Variants in UGT1A3 observed in about 807,000 individuals in gnomAD.
The protein encoded by UGT1A3 is UDP-glucuronosyltransferase 1A3.
In UGT1A3, 31 loss-of-function variants were observed where a neutral mutation model predicts 41.0. The observed-to-expected ratio is 0.76, with a 90% CI of 0.57 to 1.02. The LOEUF (loss-of-function observed/expected upper bound fraction) is 1.02. UGT1A3 is among the 50% of genes least tolerant of loss of function. The pLI, the probability that UGT1A3 is intolerant of heterozygous loss-of-function variation, is 0.00. For missense variants in UGT1A3, 737 were observed against 671.0 expected, an observed-to-expected ratio of 1.10 and a Z score of -1.09; for synonymous variants, 262 against 257.6, an observed-to-expected ratio of 1.02 and a Z score of -0.17.
At position 233,769,810 on chromosome 2, in the gene UGT1A3, A is replaced by G. The variant is rs1699943868; in HGVS notation, c.1307+1371A>G. The G allele has an allele frequency of 5.9e-6, 6 of 1,010,036 alleles. No individual in the cohort carries two copies. Among genetic ancestry groups the G allele is most frequent in the African/African-American group, 3.3e-5 (2 of 61,048 alleles). The allele number at this position is 1,010,036 out of a possible 1,614,324, so 62.6% of individuals were successfully genotyped here. ...TTGGAGGCTGCTATGAGCCGTGATC[A>G]TGCCACTGCACTCCAGCAACCTGGG... On this transcript the variant is annotated intron_variant, in intron 4 of 4. Transcript: ENST00000482026. This position sits in a 1 kb window ranked among gnomAD's most constrained non-coding sequence, Gnocchi z 4.4.
chr2:233,754,900 C>G, intron 1 of UGT1A3: 3 of 1,352,224 alleles, frequency 2.2e-6, no homozygotes, highest in Non-Finnish European at 3.0e-6. Flanking sequence ...CTCTGACCCC[C>G]CAAAATATTC....
intron 1 of UGT1A3, among the ~76,000 whole-genome samples, chr2:233,758,370 T>C (rs1198211865): frequency 6.6e-6 from 1 of 152,206 alleles, no homozygotes; most frequent in Non-Finnish European, 1.5e-5. Context: ...ATAAAATCAT[T>C]ACAGTGGTGA....
Position 233,772,533 on chromosome 2 carries a change from A to G in UGT1A3, c.1579A>G (p.Lys527Glu). 6.2e-7 allele frequency: 1 copy of G among 1,614,214 alleles called. No homozygotes were observed. Among genetic ancestry groups the G allele is most frequent in the Non-Finnish European group, 8.5e-7 (1 of 1,180,036 alleles). ...KCLGKKGRVK[K>E]AHKSKTH ...CTTGGGGAAAAAAGGGCGAGTTAAG[A>G]AAGCCCACAAATCCAAGACCCATTG... Residue 527 changes from lysine to glutamate, a missense_variant, in exon 5 of 5, where the codon AAA (lysine) becomes GAA (glutamate). Coordinates refer to ENST00000482026, the MANE Select transcript of UGT1A3 (RefSeq NM_019093.4).
At chr2:233,743,936 C>A in intron 1 of UGT1A3, 1 of 1,355,864 alleles carries the variant, frequency 7.4e-7, no homozygotes, top group Non-Finnish European at 9.9e-7. Flanking sequence ...CCAGAACGGC[C>A]CACCAGGCAC....
At chr2:233,743,802 T>C (rs181906347) in intron 1 of UGT1A3, 13 of 1,367,286 alleles carry the variant, frequency 9.5e-6, no homozygotes, top group Non-Finnish European at 1.3e-5. Context: ...GCTTCCTCCT[T>C]GTTCTCAGGG....
At chr2:233,767,785 G>C (rs1699483415) in intron 2 of UGT1A3, 64 bp from the exon 3 acceptor site, 2 of 1,613,510 alleles carry the variant, frequency 1.2e-6, no homozygotes, top group Non-Finnish European at 1.7e-6. Flanking sequence ...AGTTAGTATA[G>C]CAGATTTGTT....
intron 1 of UGT1A3, among the ~76,000 whole-genome samples, chr2:233,748,665 G>C (rs2125893824): frequency 6.6e-6 from 1 of 151,856 alleles, no homozygotes; most frequent in South Asian, 2.1e-4. Context: ...AGTTTCCAGA[G>C]AGGGATCTGT....
chr2:233,740,218 G>C (rs908803369), intron 1 of UGT1A3, among the ~76,000 whole-genome samples: 7 of 151,840 alleles, frequency 4.6e-5, no homozygotes, highest in Non-Finnish European at 8.8e-5. Flanking sequence ...AGTCTCAGCT[G>C]CGTCTTTATA....
At chr2:233,736,931 A>ACCTATAT (rs1358475189) in intron 1 of UGT1A3, among the ~76,000 whole-genome samples, 2 of 152,012 alleles carry the variant, frequency 1.3e-5, no homozygotes, top group Non-Finnish European at 2.9e-5. Context: ...AGGCGCACCC[A>ACCTATAT]CCTATATGAG....
chr2:233,731,434 C>A (rs17862872), intron 1 of UGT1A3, among the ~76,000 whole-genome samples: 12,097 of 152,204 alleles, frequency 0.079, 644 homozygotes, highest in East Asian at 0.2. Flanking sequence ...ATCCCTCCCC[C>A]AGTCCCCCAC....
intron 1 of UGT1A3, among the ~76,000 whole-genome samples, chr2:233,737,177 G>A (rs566988062): frequency 3.9e-5 from 6 of 152,300 alleles, no homozygotes; most frequent in Middle Eastern, 3.4e-3. Flanking sequence ...AGTCTATAGC[G>A]GCAGTAGCCC....
chr2:233,765,604 G>T (rs986298003), intron 1 of UGT1A3, among the ~76,000 whole-genome samples: 11 of 151,976 alleles, frequency 7.2e-5, no homozygotes, highest in Non-Finnish European at 1.2e-4. Context: ...CAGGGCTTGT[G>T]GCGGGGTGAG....
At chr2:233,765,980 C>T (rs987100848) in intron 1 of UGT1A3, among the ~76,000 whole-genome samples, 1 of 152,096 alleles carries the variant, frequency 6.6e-6, no homozygotes, top group African/African-American at 2.4e-5. Flanking sequence ...ATGTTTACAG[C>T]TCCTGAAGCT....
intron 1 of UGT1A3, among the ~76,000 whole-genome samples, chr2:233,763,591 A>G (rs1698352933): frequency 6.6e-6 from 1 of 152,190 alleles, no homozygotes; most frequent in Non-Finnish European, 1.5e-5. Flanking sequence ...TCCTTTGTTA[A>G]CTAAAAATGC....
rs1022651903 is a variant in UGT1A3, at chr2:233,768,540, A to G, written c.1307+101A>G. ...CGTAGCATTTAATAGCGTTGTTTCA[A>G]ATATAAAAACAAATACATAAAAATC... On this transcript the variant is annotated intron_variant, in intron 4 of 4. Transcript: ENST00000482026. The G allele has an allele frequency of 7.3e-6, 11 of 1,497,966 alleles. No individual in the cohort carries two copies. The African/African-American group carries it at 1.4e-4, about 19-fold the overall frequency. The allele number at this position is 1,497,966 out of a possible 1,614,324, so 92.8% of individuals were successfully genotyped here.
chr2:233,760,312 C>G (rs370790922), intron 1 of UGT1A3: 1 of 1,613,816 alleles, frequency 6.2e-7, no homozygotes, highest in East Asian at 2.2e-5. Context: ...CCAGGGCGGA[C>G]GCCCACTTGT....
At position 233,754,728 on chromosome 2, in the gene UGT1A3, C is replaced by CT. The variant is rs1413290062; in HGVS notation, c.868-12305dup. ...GGACTTGAAGCTGCCTGTCCCATCACTACCGTAGGACATGCAGAAGGAAGA... is the reference window on the plus strand; with the variant it reads ...GGACTTGAAGCTGCCTGTCCCATCACTTACCGTAGGACATGCAGAAGGAAGA... On this transcript the variant is annotated intron_variant, in intron 1 of 4. Transcript: ENST00000482026. 1.8e-5 allele frequency: 11 copies of CT among 620,812 alleles called. No individual in the cohort carries two copies. In the African/African-American group the frequency reaches 2.1e-4, roughly 12 times the overall value. 38.5% of individuals were successfully genotyped at this position (620,812 alleles called of 1,614,324 possible). A position where few individuals can be genotyped will look rare whatever the true frequency, so the allele number is the denominator to read the frequency against.
At chr2:233,767,540 C>G (rs570115667) in intron 2 of UGT1A3, among the ~76,000 whole-genome samples, 2 of 152,230 alleles carry the variant, frequency 1.3e-5, no homozygotes, top group Non-Finnish European at 2.9e-5. Flanking sequence ...CATTTCTGCT[C>G]TTATAGTTCT....
rs757417206 is a variant in UGT1A3, at chr2:233,772,349, T to C, written c.1395T>C (p.Phe465=). Residue 465 remains phenylalanine (F), a synonymous_variant, in exon 5 of 5, where the codon TTT becomes TTC. Coordinates refer to ENST00000482026, the MANE Select transcript of UGT1A3 (RefSeq NM_019093.4). ...ACCTGGCCGTGTTCTGGGTGGAGTT[T>C]GTGATGAGGCACAAGGGCGCGCCAC... ...PLDLAVFWVE[F]VMRHKGAPHL... is the part of the protein sequence containing the mutation. 2 of 1,614,272 alleles carry C rather than the reference T, an allele frequency of 1.2e-6. No individual in the cohort carries two copies. The highest frequency in any genetic ancestry group is 1.7e-5 in the Admixed American group (1 of 60,034).
Sources: gnomAD v4.1 joint callset for allele counts (sites outside exome capture counted in the v4.1 genomes callset) on GRCh38, gnomAD v4.1.1 for gene constraint, Gnocchi (gnomAD v3.1) non-coding constraint, MANE v1.5 for transcripts, NCBI Gene and HGNC (gene_info 2026-07-23, HGNC 2026-07-21) for gene names.